SGCZ: variants seen among roughly 807,000 people sequenced by gnomAD.
SGCZ encodes the protein sarcoglycan zeta.
In SGCZ, 40 loss-of-function variants were observed where a neutral mutation model predicts 41.3. That is an observed-to-expected ratio of 0.97 (90% confidence interval 0.75 to 1.26). SGCZ has a LOEUF of 1.26. SGCZ is among the 50% of genes most tolerant of loss of function. SGCZ has a pLI of 0.00. For synonymous variants in SGCZ, 206 were observed against 137.5 expected, an observed-to-expected ratio of 1.50 and a Z score of -3.49; for missense variants, 552 against 369.8, an observed-to-expected ratio of 1.49 and a Z score of -4.04.
At chr8:14,254,777 T>C (rs897839870) in intron 3 of SGCZ, among the ~76,000 whole-genome samples, 2 of 152,178 alleles carry the variant, frequency 1.3e-5, no homozygotes, top group African/African-American at 4.8e-5. Flanking sequence ...GAATTTGTGA[T>C]GTGTGAGATT....
intron 2 of SGCZ, among the ~76,000 whole-genome samples, chr8:14,402,062 G>C (rs1013176681): frequency 4.6e-5 from 7 of 152,148 alleles, no homozygotes; most frequent in African/African-American, 1.7e-4. Context: ...TTTCTCATGT[G>C]TTTTTAGGCT....
chr8:14,835,485 T>C (rs572365371), intron 1 of SGCZ, among the ~76,000 whole-genome samples: 20 of 152,340 alleles, frequency 1.3e-4, no homozygotes, highest in Admixed American at 1.2e-3. Context: ...AATTGAAGAC[T>C]GTGTCTGCAG....
chr8:14,473,519 C>A (rs1051916730), intron 2 of SGCZ, among the ~76,000 whole-genome samples: 1 of 152,032 alleles, frequency 6.6e-6, no homozygotes, highest in Non-Finnish European at 1.5e-5. Context: ...CTACCAAAAA[C>A]TAAAATATCA....
rs770086531 is a variant in SGCZ at position 14,237,633 on chromosome 8, G to C, written c.383C>G (p.Ala128Gly). The change falls in exon 4 of 8, where the codon GCA becomes GGA. Residue 128 changes from alanine to glycine, a missense_variant. Physicochemically the swap from Ala to Gly is moderately conservative, Grantham distance 60. Coordinates refer to ENST00000382080, the MANE Select transcript of SGCZ (RefSeq NM_139167.4). ...GGTTAACTGCCCCATGTGATTTCTT[G>C]CATTCACTGTGACATTCCTGTCAGA... ...LQSDRNVTVN[A>G]RNHMGQLTGQ... is the part of the protein sequence containing the mutation. 3.7e-6 allele frequency: 6 copies of C among 1,613,894 alleles called. No individual in the cohort carries two copies. The highest frequency in any genetic ancestry group is 5.1e-6 in the Non-Finnish European group (6 of 1,179,844).
At position 15,137,397 on chromosome 8, in the gene SGCZ, G is replaced by C. The variant is rs566453383; in HGVS notation, c.39+100188C>G. On this transcript the variant is annotated intron_variant, in intron 1 of 7. Coordinates refer to ENST00000382080, the MANE Select transcript of SGCZ (RefSeq NM_139167.4). ...AAGCCTGCTACAGAAATTTCTATAA[G>C]TAACAAGGAGCAGAATGTTAAGCAC... 1.7e-4 allele frequency among the ~76,000 whole-genome samples: 26 copies of C among 152,336 alleles called. 1 individual carries two copies. In the South Asian group the frequency reaches 5.4e-3, roughly 32 times the overall value.
intron 2 of SGCZ, among the ~76,000 whole-genome samples, chr8:14,453,324 T>C (rs1278553114): frequency 6.6e-6 from 1 of 152,196 alleles, no homozygotes; most frequent in African/African-American, 2.4e-5. Context: ...AAGTCAATAA[T>C]TTCTTTTCAG....
Position 14,202,289 on chromosome 8 carries a change from A to C in SGCZ, c.424+35303T>G, listed in dbSNP as rs142238930. On this transcript the variant is annotated intron_variant, in intron 4 of 7. Coordinates refer to ENST00000382080, the MANE Select transcript of SGCZ (RefSeq NM_139167.4). ...CCTCTATAAACTGGAAAGGGCAAAAAAGTTTGTCCTCCACAATTCTTAGAG... is the reference window on the plus strand; with the variant it reads ...CCTCTATAAACTGGAAAGGGCAAAACAGTTTGTCCTCCACAATTCTTAGAG... Among the ~76,000 whole-genome samples, 7 of 152,220 alleles carry C rather than the reference A, an allele frequency of 4.6e-5. No homozygotes were observed. In the East Asian group the frequency reaches 1.2e-3, roughly 25 times the overall value.
At chr8:14,899,085 T>A (rs1805308696) in intron 1 of SGCZ, among the ~76,000 whole-genome samples, 1 of 152,048 alleles carries the variant, frequency 6.6e-6, no homozygotes, top group African/African-American at 2.4e-5. Flanking sequence ...GAACTGTAAT[T>A]TTTTTTTCCT....
chr8:15,089,980 C>T (rs1043460178), intron 1 of SGCZ, among the ~76,000 whole-genome samples: 1 of 152,306 alleles, frequency 6.6e-6, no homozygotes, highest in Middle Eastern at 3.4e-3. Flanking sequence ...GTTATCAGAT[C>T]ATCTAAATTC....
chr8:15,224,569 G>T (rs1011513581), intron 1 of SGCZ, among the ~76,000 whole-genome samples: 1 of 151,984 alleles, frequency 6.6e-6, no homozygotes, highest in Admixed American at 6.6e-5. Flanking sequence ...TAAAATGCCA[G>T]AAATAAAACC....
chr8:14,795,979 T>C (rs571015089), intron 1 of SGCZ, among the ~76,000 whole-genome samples: 1 of 152,316 alleles, frequency 6.6e-6, no homozygotes, highest in South Asian at 2.1e-4. Flanking sequence ...TCCAGCTCCA[T>C]CCTTGTCCCT....
At position 14,092,531 on chromosome 8, in the gene SGCZ, A is replaced by G. The variant is rs144996706; in HGVS notation, c.745-1894T>C. ...CACCCAAACCTCATCTTGAATTGTA[A>G]CCCCCATAATTCCCATGTATTGTGG... On this transcript the variant is annotated intron_variant, in intron 7 of 7. Coordinates refer to ENST00000382080, the MANE Select transcript of SGCZ (RefSeq NM_139167.4). 6.8e-3 allele frequency among the ~76,000 whole-genome samples: 1,032 copies of G among 151,890 alleles called. 14 individuals are homozygous for G. Among genetic ancestry groups the G allele is most frequent in the African/African-American group, 0.024 (982 of 41,438 alleles).
At chr8:14,514,365 A>G (rs1563378535) in intron 2 of SGCZ, among the ~76,000 whole-genome samples, 1 of 152,030 alleles carries the variant, frequency 6.6e-6, no homozygotes, top group Non-Finnish European at 1.5e-5. Flanking sequence ...ATAACAAACT[A>G]CTTAATTTCC....
chr8:14,707,809 T>G (rs1016659425), intron 1 of SGCZ, among the ~76,000 whole-genome samples: 22 of 152,158 alleles, frequency 1.4e-4, no homozygotes, highest in Admixed American at 3.9e-4. Context: ...TGTGGCAAAA[T>G]AAATCACAAT....
chr8:14,928,986 T>A lies in SGCZ; in HGVS notation c.39+308599A>T, dbSNP rs1262515234. ...TGCATTTTTAAATTATTTATTTATT[T>A]ATTTACTTACTTATTTATTTTTTCA... On this transcript the variant is annotated intron_variant, in intron 1 of 7. Transcript: ENST00000382080. Among the ~76,000 whole-genome samples the A allele has an allele frequency of 2.6e-5, 4 of 152,168 alleles. No individual in the cohort carries two copies. In the East Asian group the frequency reaches 7.7e-4, roughly 29 times the overall value.
At chr8:14,614,048 A>T (rs1358996713) in intron 1 of SGCZ, among the ~76,000 whole-genome samples, 1 of 152,146 alleles carries the variant, frequency 6.6e-6, no homozygotes, top group Non-Finnish European at 1.5e-5. Context: ...CAGGCCGCTC[A>T]CACTCATTTG....
chr8:14,573,191 T>A (rs1474170288), intron 1 of SGCZ, among the ~76,000 whole-genome samples: 2 of 12,960 alleles, frequency 1.5e-4, no homozygotes, highest in Non-Finnish European at 3.7e-4. Context: ...TAGCAAGTCT[T>A]TTTTTTTTTT....
Position 14,780,202 on chromosome 8 carries a change from G to T in SGCZ, c.40-225276C>A, listed in dbSNP as rs187869372. On this transcript the variant is annotated intron_variant, in intron 1 of 7. Transcript: ENST00000382080. ...ATCCTGGATAACACGGTGAAACCCC[G>T]TCCCTACTAAAAATACAAAAAAATT... Among the ~76,000 whole-genome samples, 924 of 151,896 alleles carry T rather than the reference G, an allele frequency of 6.1e-3. 5 individuals carry two copies. Among genetic ancestry groups the T allele is most frequent in the Non-Finnish European group, 9.6e-3 (650 of 67,950 alleles).
At chr8:15,034,934 C>G (rs1204112198) in intron 1 of SGCZ, among the ~76,000 whole-genome samples, 2 of 152,130 alleles carry the variant, frequency 1.3e-5, no homozygotes, top group Admixed American at 1.3e-4. Context: ...TACCATCGGA[C>G]TTGTCTCCTA....
Sources: gnomAD v4.1 joint callset for allele counts (sites outside exome capture counted in the v4.1 genomes callset) on GRCh38, gnomAD v4.1.1 for gene constraint, MANE v1.5 for transcripts, NCBI Gene and HGNC (gene_info 2026-07-23, HGNC 2026-07-21) for gene names.